The following SLC45A1 variants were observed in gnomAD, a reference collection of about 807,000 sequenced individuals.
The protein encoded by SLC45A1 is solute carrier family 45 member 1, also known as proton-associated sugar transporter A.
Under a neutral mutation model 57.6 loss-of-function variants are expected in SLC45A1, and 28 were observed. That is an observed-to-expected ratio of 0.49 (90% confidence interval 0.36 to 0.67). The LOEUF (loss-of-function observed/expected upper bound fraction) is 0.67. Among genes scored for constraint, SLC45A1 ranks in the 30% least tolerant of loss-of-function variants. SLC45A1 has a pLI of 0.00. For missense variants in SLC45A1, 814 were observed against 1,041.5 expected (o/e 0.78, Z 3.01); for synonymous variants, 459 against 471.5 (o/e 0.97, Z 0.34).
At position 8,343,772 on chromosome 1, in the gene SLC45A1, C is replaced by A. The variant is rs746447996; in HGVS notation, c.2006C>A (p.Thr669Asn). The A allele has an allele frequency of 1.3e-5, 21 of 1,613,488 alleles. No homozygotes were observed. The highest frequency in any genetic ancestry group is 1.6e-5 in the Non-Finnish European group (19 of 1,179,672). ...TTTGCAGGGTCCAGTGCGGACGGCA[C>A]CCGGCGGGGCATGGGCGTGGACATC... is the stretch of plus-strand genomic sequence containing the variant. ...KKFAGSSADG[T>N]RRGMGVDISL... is the part of the protein sequence containing the mutation. The change falls in exon 9 of 9, where the codon ACC becomes AAC. Residue 669 changes from threonine (T) to asparagine (N), a missense_variant. Coordinates refer to ENST00000471889, the MANE Select transcript of SLC45A1 (RefSeq NM_001080397.3). The surrounding 1 kb of genome is among the most constrained non-coding windows in gnomAD (Gnocchi z 7.7).
chr1:8,329,766 G>A (rs1475831018), intron 4 of SLC45A1, among the ~76,000 whole-genome samples: 1 of 152,236 alleles, frequency 6.6e-6, no homozygotes, highest in African/African-American at 2.4e-5. Flanking sequence ...CTCTCCTCAT[G>A]GTGTTCTGTG....
chr1:8,324,731 GC>G lies in SLC45A1; in HGVS notation c.397+9del, dbSNP rs1640143976. The G allele has an allele frequency of 6.4e-6, 10 of 1,572,752 alleles. No individual in the cohort carries two copies. The East Asian group carries it at 2.1e-4, about 33-fold the overall frequency. On this transcript the variant is annotated splice_donor_region_variant and intron_variant, in intron 2 of 8. Coordinates refer to ENST00000471889, the MANE Select transcript of SLC45A1 (RefSeq NM_001080397.3). ...GGTTCATCAGCCCCATCCTCGGTGA[GC>G]CCCGGCTCCTCCCCGATGGTGGAGG...
At position 8,325,249 on chromosome 1, in the gene SLC45A1, C is replaced by T. The variant is rs1205732214; in HGVS notation, c.398-49C>T. ...AATGTGGAGGCTGATTCGATGTCCCCATGTGCCATGGGGACCCTGGCAATG... is the reference window on the plus strand; with the variant it reads ...AATGTGGAGGCTGATTCGATGTCCCTATGTGCCATGGGGACCCTGGCAATG... On this transcript the variant is annotated intron_variant, in intron 2 of 8. Coordinates refer to ENST00000471889, the MANE Select transcript of SLC45A1 (RefSeq NM_001080397.3). This position sits in a 1 kb window ranked among gnomAD's most constrained non-coding sequence, Gnocchi z 6.3. 1.6e-6 allele frequency: 2 copies of T among 1,230,474 alleles called. No homozygotes were observed. The highest frequency in any genetic ancestry group is 2.4e-6 in the Non-Finnish European group (2 of 833,318). 76.2% of individuals were successfully genotyped at this position (1,230,474 alleles called of 1,614,324 possible).
Position 8,335,940 on chromosome 1 carries a change from C to G in SLC45A1, c.1597+350C>G, listed in dbSNP as rs964229125. On this transcript the variant is annotated intron_variant, in intron 6 of 8. Transcript: ENST00000471889. The surrounding 1 kb of genome is among the most constrained non-coding windows in gnomAD (Gnocchi z 4.1). ...GGACCCACACCTTCCCACCTTCCCA[C>G]CTTCCAACTTTGTCTTGCTCTGTCT... 7.7e-6 allele frequency: 2 copies of G among 260,394 alleles called. No homozygotes were observed. Among genetic ancestry groups the G allele is most frequent in the African/African-American group, 4.4e-5 (2 of 45,212 alleles). The allele number at this position is 260,394 out of a possible 1,614,324, so 16.1% of individuals were successfully genotyped here.
At chr1:8,324,157 A>G in intron 1 of SLC45A1, 149 bp from the exon 2 acceptor site, 1 of 733,518 alleles carries the variant, frequency 1.4e-6, no homozygotes, top group South Asian at 1.9e-5. Flanking sequence ...CAGATGGGAA[A>G]GTGAGGCCCC....
chr1:8,335,500 G>A lies in SLC45A1; in HGVS notation c.1507G>A (p.Ala503Thr), dbSNP rs7535752. 24 of 1,603,200 alleles carry A rather than the reference G, an allele frequency of 1.5e-5. No homozygotes were observed. Among genetic ancestry groups the A allele is most frequent in the South Asian group, 9.9e-5 (9 of 91,048 alleles). Residue 503 changes from alanine (A) to threonine (T), a missense_variant, in exon 6 of 9, where the codon GCG becomes ACG. By Grantham distance (58) the Ala-to-Thr change is moderately conservative. Coordinates refer to ENST00000471889, the MANE Select transcript of SLC45A1 (RefSeq NM_001080397.3). This position sits in a 1 kb window ranked among gnomAD's most constrained non-coding sequence, Gnocchi z 4.1. The stretch of plus-strand genomic sequence containing the variant: ...CGAGCTGACGGGCTCCAGCGAGCGC[G>A]CGGAGCAGCCTCTGTCCGTGGGGCG... The part of the protein sequence containing the change: ...ESELTGSSER[A>T]EQPLSVGRLC...
chr1:8,322,223 A>G (rs1461442892), intron 1 of SLC45A1, among the ~76,000 whole-genome samples: 5 of 94,988 alleles, frequency 5.3e-5, no homozygotes, highest in African/African-American at 1.4e-4. Context: ...GGGTGGATGG[A>G]TGGATGGGTG....
At position 8,330,380 on chromosome 1, in the gene SLC45A1, C is replaced by T. The variant is rs747437552; in HGVS notation, c.887C>T (p.Pro296Leu). ...ATCCCTGAGAGGCCGCTGCGGCCGCCGAGTGAGAAGCGGGCAGCCATGAAG... is the reference window on the plus strand; with the variant it reads ...ATCCCTGAGAGGCCGCTGCGGCCGCTGAGTGAGAAGCGGGCAGCCATGAAG... ...VSIPERPLRPPSEKRAAMKSP... is the reference protein window; with the variant it reads ...VSIPERPLRPLSEKRAAMKSP... The change falls in exon 5 of 9, where the codon CCG becomes CTG. Residue 296 changes from proline to leucine, a missense_variant. Physicochemically the swap from Pro to Leu is moderately conservative, Grantham distance 98. Transcript: ENST00000471889. The surrounding 1 kb of genome is among the most constrained non-coding windows in gnomAD (Gnocchi z 8.4). 1.6e-5 allele frequency: 25 copies of T among 1,612,866 alleles called. No homozygotes were observed. Among genetic ancestry groups the T allele is most frequent in the South Asian group, 1.4e-4 (13 of 91,072 alleles).
Position 8,339,571 on chromosome 1 carries a change from C to A in SLC45A1, c.1853C>A (p.Thr618Asn), listed in dbSNP as rs1640740698. 1.2e-6 allele frequency: 2 copies of A among 1,614,128 alleles called. No homozygotes were observed. Among genetic ancestry groups the A allele is most frequent in the Non-Finnish European group, 1.7e-6 (2 of 1,180,048 alleles). The change falls in exon 8 of 9, where the codon ACC becomes AAC. Residue 618 changes from threonine to asparagine, a missense_variant. By Grantham distance (65) the Thr-to-Asn change is moderately conservative. Coordinates refer to ENST00000471889, the MANE Select transcript of SLC45A1 (RefSeq NM_001080397.3). ...FIAYLAFGLGTGLATLSRNLY... is the reference protein window; with the variant it reads ...FIAYLAFGLGNGLATLSRNLY... Reference sequence around the variant, plus strand: ...GCCTATCTCGCCTTCGGCCTGGGGACCGGGCTTGCCACCCTCTCCAGGAAC... The same window carrying A: ...GCCTATCTCGCCTTCGGCCTGGGGAACGGGCTTGCCACCCTCTCCAGGAAC...
In SLC45A1 at chr1:8,330,599, G is replaced by C. The variant is rs754672835; in HGVS notation, c.1106G>C (p.Gly369Ala). Residue 369 changes from glycine (G) to alanine (A), a missense_variant, in exon 5 of 9, where the codon GGC (glycine) becomes GCC (alanine). Transcript: ENST00000471889. This position sits in a 1 kb window ranked among gnomAD's most constrained non-coding sequence, Gnocchi z 8.4. ...TGISEFASSF[G>A]TANIDSVLID... is the part of the protein sequence containing the mutation. ...ATCAGCGAGTTCGCCTCATCCTTTG[G>C]CACGGCCAACATAGACAGCGTCCTC... 9 of 1,613,604 alleles carry C rather than the reference G, an allele frequency of 5.6e-6. No individual in the cohort carries two copies. In the Admixed American group the frequency reaches 1.5e-4, roughly 27 times the overall value.
intron 8 of SLC45A1, among the ~76,000 whole-genome samples, chr1:8,339,997 C>T (rs1034495422): frequency 1.3e-5 from 2 of 152,166 alleles, no homozygotes; most frequent in African/African-American, 4.8e-5. Context: ...GTCAGGCCAC[C>T]GGGTCTCCTG....
rs558331663 is a variant in SLC45A1, at chr1:8,327,457, T to C, written c.715+1415T>C. Among the ~76,000 whole-genome samples the C allele has an allele frequency of 6.6e-6, 1 of 152,202 alleles. No homozygotes were observed. The highest frequency in any genetic ancestry group is 2.4e-5 in the African/African-American group (1 of 41,532). On this transcript the variant is annotated intron_variant, in intron 4 of 8. Coordinates refer to ENST00000471889, the MANE Select transcript of SLC45A1 (RefSeq NM_001080397.3). The surrounding 1 kb of genome is among the most constrained non-coding windows in gnomAD (Gnocchi z 4.3). ...TGGACGTATGGAAACTTCAAGAGAA[T>C]TAGCTGCAAAGCAGTGCAGGAGTTC...
intron 7 of SLC45A1, 91 bp from the exon 8 acceptor site, chr1:8,339,402 C>T: frequency 1.1e-5 from 14 of 1,304,496 alleles, no homozygotes; most frequent in Admixed American, 5.2e-5. Flanking sequence ...CCACTGCTAG[C>T]TTCAGGTCAG....
At chr1:8,323,286 A>G (rs1474766588) in intron 1 of SLC45A1, among the ~76,000 whole-genome samples, 1 of 151,984 alleles carries the variant, frequency 6.6e-6, no homozygotes, top group Non-Finnish European at 1.5e-5. Context: ...AGGTCAGGAG[A>G]TAGAGACCAT....
In SLC45A1 at chr1:8,326,059, G is replaced by A; in HGVS notation, c.715+17G>A. 6.3e-7 allele frequency: 1 copy of A among 1,592,072 alleles called. No individual in the cohort carries two copies. Among genetic ancestry groups the A allele is most frequent in the South Asian group, 1.1e-5 (1 of 90,890 alleles). ...TCCTGGCAGGTGAGTCTCCGCAGCA[G>A]GGCCGAAGCTGAATCTGCCGGGCTG... On this transcript the variant is annotated intron_variant, in intron 4 of 8. Coordinates refer to ENST00000471889, the MANE Select transcript of SLC45A1 (RefSeq NM_001080397.3). The surrounding 1 kb of genome is among the most constrained non-coding windows in gnomAD (Gnocchi z 5.5).
Position 8,324,443 on chromosome 1 carries a change from C to T in SLC45A1, c.114C>T (p.His38=). Residue 38 remains histidine (H), a synonymous_variant, in exon 2 of 9, where the codon CAC becomes CAT. Coordinates refer to ENST00000471889, the MANE Select transcript of SLC45A1 (RefSeq NM_001080397.3). ...GCTACTCGGGGTCCGTGACACGACA[C>T]CTCAGTCACCGGGCCAACAACTTCA... ...VTGYSGSVTR[H]LSHRANNFKR... 6.2e-7 allele frequency: 1 copy of T among 1,612,866 alleles called. No homozygotes were observed. The highest frequency in any genetic ancestry group is 8.5e-7 in the Non-Finnish European group (1 of 1,179,996).
At chr1:8,320,676 TGTTTCTCTCTCTCTCTAC>T (rs1329526443) in intron 1 of SLC45A1, among the ~76,000 whole-genome samples, 21 of 74,092 alleles carry the variant, frequency 2.8e-4, no homozygotes, top group African/African-American at 7.3e-4. Flanking sequence ...TCTCTCTCTC[TGTTTCTCTCTCTCTCTAC>T]ACACACACAC....
chr1:8,324,506 C>CCCCCCCCCCCCCCCCA lies in SLC45A1; in HGVS notation c.179_180insCCCCCCCCCCCCCACC (p.Asn65ThrfsTer12). 6.2e-7 allele frequency: 1 copy of CCCCCCCCCCCCCCCCA among 1,605,744 alleles called. No homozygotes were observed. Among genetic ancestry groups the CCCCCCCCCCCCCCCCA allele is most frequent in the South Asian group, 1.1e-5 (1 of 90,940 alleles). ...AGAGGAGGAAGTGCATTCGTCCCTCCCCACCCCCGCCCCCCAACACCCCGT... is the reference window on the plus strand; with the variant it reads ...AGAGGAGGAAGTGCATTCGTCCCTCCCCCCCCCCCCCCCCCACCACCCCCGCCCCCCAACACCCCGT... On this transcript the variant is annotated frameshift_variant, in exon 2 of 9. Coordinates refer to ENST00000471889, the MANE Select transcript of SLC45A1 (RefSeq NM_001080397.3). LOFTEE classifies it high-confidence loss of function.
chr1:8,335,792 C>T lies in SLC45A1; in HGVS notation c.1597+202C>T, dbSNP rs535576998. Among the ~76,000 whole-genome samples the T allele has an allele frequency of 6.6e-6, 1 of 152,300 alleles. No individual in the cohort carries two copies. The highest frequency in any genetic ancestry group is 1.9e-4 in the East Asian group (1 of 5,166). Reference sequence around the variant, plus strand: ...CCAGGGTGCCTGCCCTGCATAGCCCCAAACTAAACCAGGTGTCACCATTGA... The same window carrying T: ...CCAGGGTGCCTGCCCTGCATAGCCCTAAACTAAACCAGGTGTCACCATTGA... On this transcript the variant is annotated intron_variant, in intron 6 of 8. Coordinates refer to ENST00000471889, the MANE Select transcript of SLC45A1 (RefSeq NM_001080397.3). The surrounding 1 kb of genome is among the most constrained non-coding windows in gnomAD (Gnocchi z 4.1).
Sources: allele counts gnomAD v4.1 joint callset (sites outside exome capture counted in the v4.1 genomes callset), GRCh38; gene constraint gnomAD v4.1.1; non-coding constraint Gnocchi (gnomAD v3.1); transcripts MANE v1.5; gene names NCBI Gene and HGNC (gene_info 2026-07-23, HGNC 2026-07-21).